Variants in RAB3IP observed in about 807,000 individuals in gnomAD.
RAB3IP encodes the protein RAB3A interacting protein, also known as rab-3A-interacting protein.
RAB3IP carries 36 observed loss-of-function variants against 59.1 expected under a neutral mutation model. The ratio of observed to expected loss-of-function variants is 0.61; its 90% CI spans 0.47 to 0.80. The LOEUF (loss-of-function observed/expected upper bound fraction) is 0.80, where lower values mean the gene tolerates loss of function less well. RAB3IP is among the 30% of genes least tolerant of loss of function. RAB3IP has a pLI of 0.00. For missense variants in RAB3IP, 511 were observed against 536.0 expected, an observed-to-expected ratio of 0.95 and a Z score of 0.46; for synonymous variants, 207 against 191.2, an observed-to-expected ratio of 1.08 and a Z score of -0.68.
chr12:69,751,842 A>G (rs1026945090), intron 1 of RAB3IP, among the ~76,000 whole-genome samples: 1 of 151,900 alleles, frequency 6.6e-6, no homozygotes, highest in East Asian at 1.9e-4. Flanking sequence ...ATGTTTAGGG[A>G]TTCTTTTTTA....
At chr12:69,813,128 C>A in intron 10 of RAB3IP, 95 bp downstream of exon 10, 1 of 807,152 alleles carries the variant, frequency 1.2e-6, no homozygotes, top group Non-Finnish European at 2.0e-6. Context: ...TAGTAATGCT[C>A]ATATCAGCTT....
intron 4 of RAB3IP, among the ~76,000 whole-genome samples, chr12:69,788,093 G>T (rs1438755932): frequency 6.6e-6 from 1 of 152,052 alleles, no homozygotes; most frequent in Non-Finnish European, 1.5e-5. Context: ...TGTTTTAACA[G>T]TTTATTATCC....
chr12:69,782,996 C>G (rs2136200076), intron 3 of RAB3IP, among the ~76,000 whole-genome samples: 2 of 152,214 alleles, frequency 1.3e-5, no homozygotes, highest in African/African-American at 4.8e-5. Context: ...AATGTTACTT[C>G]ATTGTTTTCT....
chr12:69,801,640 A>G lies in RAB3IP; in HGVS notation c.1049A>G (p.Asn350Ser), dbSNP rs766841078. The change falls in exon 8 of 11, where the codon AAC becomes AGC. Residue 350 changes from asparagine (N) to serine (S), a missense_variant. Physicochemically the swap from Asn to Ser is conservative, Grantham distance 46 (BLOSUM62 1). Transcript: ENST00000247833. ...LASAVLEAVENNTLSIEPVGL... is the reference protein window; with the variant it reads ...LASAVLEAVESNTLSIEPVGL... ...TCAGCTGTTCTGGAGGCTGTGGAAA[A>G]CAATACTCTAAGCATTGAACCAGTG... The G allele has an allele frequency of 6.2e-7, 1 of 1,612,714 alleles. No homozygotes were observed. The highest frequency in any genetic ancestry group is 8.5e-7 in the Non-Finnish European group (1 of 1,179,112).
intron 1 of RAB3IP, among the ~76,000 whole-genome samples, chr12:69,744,975 A>G (rs117144251): frequency 0.033 from 5,080 of 152,018 alleles, 108 homozygotes; most frequent in Non-Finnish European, 0.048. Context: ...TTCCTCCTTT[A>G]TTATACAGTA....
At chr12:69,775,844 T>C (rs1873831903) in intron 3 of RAB3IP, among the ~76,000 whole-genome samples, 1 of 89,876 alleles carries the variant, frequency 1.1e-5, no homozygotes, top group African/African-American at 4.1e-5. Context: ...TTTGCATCAA[T>C]GTTCATCAAG....
intron 1 of RAB3IP, among the ~76,000 whole-genome samples, chr12:69,753,728 A>G (rs1206983141): frequency 6.6e-6 from 1 of 152,236 alleles, no homozygotes; most frequent in African/African-American, 2.4e-5. Context: ...AAAATTGGAA[A>G]GAGAGATTGG....
chr12:69,811,875 T>C (rs1287595637), intron 8 of RAB3IP, among the ~76,000 whole-genome samples: 1 of 152,212 alleles, frequency 6.6e-6, no homozygotes, highest in Non-Finnish European at 1.5e-5. Context: ...TTAATATATT[T>C]ACTATATAAT....
intron 6 of RAB3IP, among the ~76,000 whole-genome samples, chr12:69,796,851 C>G (rs1482699704): frequency 2.6e-5 from 4 of 152,180 alleles, no homozygotes; most frequent in Admixed American, 2.6e-4. Flanking sequence ...ACTTTCCCCC[C>G]TATTTACACT....
At chr12:69,768,696 C>A (rs535761418) in intron 3 of RAB3IP, among the ~76,000 whole-genome samples, 1 of 152,266 alleles carries the variant, frequency 6.6e-6, no homozygotes, top group Admixed American at 6.5e-5. Flanking sequence ...GGAGAAACTG[C>A]TGTGGTAATA....
At chr12:69,746,084 G>C (rs1308050545) in intron 1 of RAB3IP, among the ~76,000 whole-genome samples, 1 of 152,104 alleles carries the variant, frequency 6.6e-6, no homozygotes, top group East Asian at 1.9e-4. Context: ...ACGTATATAT[G>C]CCTCCATCCC....
intron 1 of RAB3IP, among the ~76,000 whole-genome samples, chr12:69,745,024 C>T (rs545156421): frequency 6.6e-6 from 1 of 152,118 alleles, no homozygotes; most frequent in East Asian, 1.9e-4. Flanking sequence ...ATTTTGAGAG[C>T]ACTATAAATT....
chr12:69,798,254 T>A (rs1442572001), intron 6 of RAB3IP, among the ~76,000 whole-genome samples: 1 of 152,216 alleles, frequency 6.6e-6, no homozygotes, highest in Non-Finnish European at 1.5e-5. Context: ...TGGTTTTGAT[T>A]TGCATTTCTC....
Position 69,812,851 on chromosome 12 carries a change from T to C in RAB3IP, c.1204T>C (p.Tyr402His), listed in dbSNP as rs1880642197. Residue 402 changes from tyrosine to histidine, a missense_variant, in exon 9 of 11, where the codon TAT becomes CAT. By Grantham distance (83) the Tyr-to-His change is moderately conservative. Coordinates refer to ENST00000247833, the MANE Select transcript of RAB3IP (RefSeq NM_022456.5). ...ATTAGGGGACTCAAGCAACTATTAT[T>C]ATATTTCTCCTTTTTGCAGATACAG... ...IKLGDSSNYY[Y>H]ISPFCRYRIT... 11 of 1,613,138 alleles carry C rather than the reference T, an allele frequency of 6.8e-6. No individual in the cohort carries two copies. The highest frequency in any genetic ancestry group is 8.5e-6 in the Non-Finnish European group (10 of 1,179,086).
At chr12:69,779,554 T>A (rs1874281302) in intron 3 of RAB3IP, among the ~76,000 whole-genome samples, 1 of 152,114 alleles carries the variant, frequency 6.6e-6, no homozygotes, top group Non-Finnish European at 1.5e-5. Context: ...CTTTTTTTTT[T>A]TCTTCTCTAC....
intron 1 of RAB3IP, chr12:69,739,695 G>A: frequency 2.7e-6 from 2 of 733,996 alleles, no homozygotes; most frequent in Non-Finnish European, 4.7e-6. Context: ...TGTGTTCGGG[G>A]GAGTTGAGAC....
chr12:69,798,050 G>A (rs1484345001), intron 6 of RAB3IP, among the ~76,000 whole-genome samples: 4 of 152,172 alleles, frequency 2.6e-5, no homozygotes, highest in Admixed American at 6.5e-5. Context: ...GTAATGGGAT[G>A]GCTGGGTCAA....
At chr12:69,796,742 C>T (rs549862719) in intron 6 of RAB3IP, 12 of 481,686 alleles carry the variant, frequency 2.5e-5, no homozygotes, top group African/African-American at 2.0e-4. Context: ...TTTGTCCTAA[C>T]TTTAATTCTA....
intron 3 of RAB3IP, among the ~76,000 whole-genome samples, chr12:69,781,471 T>C (rs1874693380): frequency 6.6e-6 from 1 of 152,204 alleles, no homozygotes; most frequent in Non-Finnish European, 1.5e-5. Context: ...GTGTCTACCA[T>C]GATAGTATCT....
Sources: gnomAD v4.1 joint callset for allele counts (sites outside exome capture counted in the v4.1 genomes callset) on GRCh38, gnomAD v4.1.1 for gene constraint, MANE v1.5 for transcripts, NCBI Gene and HGNC (gene_info 2026-07-23, HGNC 2026-07-21) for gene names.